CEP41: variants seen among roughly 807,000 people sequenced by gnomAD.
CEP41 encodes the protein centrosomal protein 41, also known as centrosomal protein of 41 kDa.
In CEP41, 32 loss-of-function variants were observed where a neutral mutation model predicts 44.3. The observed-to-expected ratio is 0.72, with a 90% CI of 0.54 to 0.97. The LOEUF (loss-of-function observed/expected upper bound fraction) is 0.97. Among genes scored for constraint, CEP41 ranks in the 50% least tolerant of loss-of-function variants. CEP41 has a pLI of 0.00. For synonymous variants in CEP41, 151 were observed against 168.5 expected, an observed-to-expected ratio of 0.90 and a Z score of 0.80; for missense variants, 432 against 455.2, an observed-to-expected ratio of 0.95 and a Z score of 0.46.
chr7:130,403,286 T>C (rs1400550305), intron 6 of CEP41, among the ~76,000 whole-genome samples: 3 of 152,158 alleles, frequency 2.0e-5, no homozygotes, highest in African/African-American at 7.2e-5. Flanking sequence ...TGCTATGGTA[T>C]TGAGTCTTAA....
intron 5 of CEP41, among the ~76,000 whole-genome samples, chr7:130,407,528 T>C (rs1170101173): frequency 1.3e-5 from 2 of 152,018 alleles, no homozygotes; most frequent in African/African-American, 4.8e-5. Flanking sequence ...CAATGGAATA[T>C]AATAGAAAAC....
intron 1 of CEP41, among the ~76,000 whole-genome samples, chr7:130,437,342 T>C (rs1797995673): frequency 6.8e-6 from 1 of 147,586 alleles, no homozygotes; most frequent in Non-Finnish European, 1.5e-5. Context: ...AATATAAATA[T>C]CTTTGTAAAG....
Position 130,439,171 on chromosome 7 carries a change from C to G in CEP41, c.33+1763G>C, listed in dbSNP as rs528611044. ...GGATGAAGATGTTTATGATGATACA[C>G]TGCCACTTAATGAATAGTAAATATA... On this transcript the variant is annotated intron_variant, in intron 1 of 10. Transcript: ENST00000223208. Among the ~76,000 whole-genome samples, 54 of 152,324 alleles carry G rather than the reference C, an allele frequency of 3.5e-4. 1 individual carries two copies. The highest frequency in any genetic ancestry group is 1.3e-3 in the African/African-American group (53 of 41,568).
In CEP41 at chr7:130,396,187, T is replaced by A. The variant is rs1554414441; in HGVS notation, c.*2704A>T. 3 of 453,932 alleles carry A rather than the reference T, an allele frequency of 6.6e-6. No individual in the cohort carries two copies. Among genetic ancestry groups the A allele is most frequent in the Non-Finnish European group, 1.3e-5 (3 of 226,790 alleles). 28.1% of individuals were successfully genotyped at this position (453,932 alleles called of 1,614,324 possible). A position where few individuals can be genotyped will look rare whatever the true frequency, so the allele number is the denominator to read the frequency against. ...CTTTGGCCATCACTGCTGTTCAGGG[T>A]GCTGTAGTTGTACATCGATGAAGCA... On this transcript the variant is annotated 3_prime_UTR_variant, in exon 11 of 11. Transcript: ENST00000223208.
chr7:130,420,583 C>T (rs1797475764), intron 2 of CEP41: 2 of 152,060 alleles, frequency 1.3e-5, no homozygotes, highest in African/African-American at 4.8e-5. Flanking sequence ...ACCAGCCTGA[C>T]CAACATAGTA....
At chr7:130,427,613 G>A (rs1797703431) in intron 2 of CEP41, among the ~76,000 whole-genome samples, 1 of 152,166 alleles carries the variant, frequency 6.6e-6, no homozygotes, top group African/African-American at 2.4e-5. Context: ...CCAGTTTAAA[G>A]GAATATACTT....
rs1554423542 is a variant in CEP41 at position 130,426,603 on chromosome 7, A to G, written c.97+1352T>C. 4 of 454,908 alleles carry G rather than the reference A, an allele frequency of 8.8e-6. 1 individual carries two copies. The highest frequency in any genetic ancestry group is 6.2e-5 in the South Asian group (4 of 64,200). 28.2% of individuals were successfully genotyped at this position (454,908 alleles called of 1,614,324 possible). ...AATATCTAGACTCCTCAGAAAAAAT[A>G]CAGCATTTTAAATCTAGGTGCTTAC... On this transcript the variant is annotated intron_variant, in intron 2 of 10. Coordinates refer to ENST00000223208, the MANE Select transcript of CEP41 (RefSeq NM_018718.3).
chr7:130,439,298 G>A (rs76578643), intron 1 of CEP41, among the ~76,000 whole-genome samples: 24,818 of 151,984 alleles, frequency 0.16, 2,320 homozygotes, highest in African/African-American at 0.25. Context: ...TTAATCAAGT[G>A]TTTCTGTTAT....
intron 5 of CEP41, among the ~76,000 whole-genome samples, chr7:130,407,731 AT>A (rs1289648425): frequency 1.3e-5 from 2 of 152,188 alleles, no homozygotes. Context: ...CCAATAGATT[AT>A]TACAAAATGT....
intron 1 of CEP41, among the ~76,000 whole-genome samples, chr7:130,436,155 A>AAAAAC (rs782280430): frequency 1.3e-5 from 2 of 152,220 alleles, no homozygotes; most frequent in Non-Finnish European, 2.9e-5. Flanking sequence ...CTCCGTCTCA[A>AAAAAC]AAAACAAAAC....
At chr7:130,421,747 T>G (rs1797515972) in intron 2 of CEP41, 1 of 1,205,818 alleles carries the variant, frequency 8.3e-7, no homozygotes, top group African/African-American at 1.6e-5. Context: ...GAAATTAGAT[T>G]GAATATAGAT....
At chr7:130,421,592 A>G (rs1222807271) in intron 2 of CEP41, 1 of 990,550 alleles carries the variant, frequency 1.0e-6, no homozygotes, top group Non-Finnish European at 1.2e-6. Context: ...ATATTCAGGA[A>G]AAGTAAAGCC....
At chr7:130,413,554 C>A (rs1421929071) in intron 3 of CEP41, among the ~76,000 whole-genome samples, 3 of 149,758 alleles carry the variant, frequency 2.0e-5, no homozygotes, top group African/African-American at 7.4e-5. Flanking sequence ...ACATTCCAGC[C>A]TGGGTGAGAG....
chr7:130,418,086 GTTTTCTTTTC>G (rs782260701), intron 2 of CEP41, among the ~76,000 whole-genome samples: 2 of 152,066 alleles, frequency 1.3e-5, no homozygotes, highest in Non-Finnish European at 2.9e-5. Flanking sequence ...ATCCACCATT[GTTTTCTTTTC>G]TTTTCTTTTC....
rs1402524227 is a variant in CEP41 at position 130,396,490 on chromosome 7, G to T, written c.*2401C>A. 35 of 454,404 alleles carry T rather than the reference G, an allele frequency of 7.7e-5. No individual in the cohort carries two copies. Among genetic ancestry groups the T allele is most frequent in the Non-Finnish European group, 1.4e-4 (32 of 226,804 alleles). The allele number at this position is 454,404 out of a possible 1,614,324, so 28.1% of individuals were successfully genotyped here. A position where few individuals can be genotyped will look rare whatever the true frequency, so the allele number is the denominator to read the frequency against. On this transcript the variant is annotated 3_prime_UTR_variant, in exon 11 of 11. Coordinates refer to ENST00000223208, the MANE Select transcript of CEP41 (RefSeq NM_018718.3). Reference sequence around the variant, plus strand: ...CCCAAATCATCTCGACAGAAAAGAAGAGAGAAGTTGGCAGTTTTCAGCATA... The same window carrying T: ...CCCAAATCATCTCGACAGAAAAGAATAGAGAAGTTGGCAGTTTTCAGCATA...
rs1488120241 is a variant in CEP41, at chr7:130,396,677, T to C, written c.*2214A>G. The C allele has an allele frequency of 2.2e-6, 1 of 454,460 alleles. No individual in the cohort carries two copies. The highest frequency in any genetic ancestry group is 4.4e-6 in the Non-Finnish European group (1 of 226,800). 28.2% of individuals were successfully genotyped at this position (454,460 alleles called of 1,614,324 possible). Reference sequence around the variant, plus strand: ...AATACCTCGAGCACGTAAAGAATGTTTGATATTAACACTTAACATGCAAAA... The same window carrying C: ...AATACCTCGAGCACGTAAAGAATGTCTGATATTAACACTTAACATGCAAAA... On this transcript the variant is annotated 3_prime_UTR_variant, in exon 11 of 11. Coordinates refer to ENST00000223208, the MANE Select transcript of CEP41 (RefSeq NM_018718.3).
At chr7:130,400,654 G>A in intron 9 of CEP41, 53 bp downstream of exon 9, 1 of 1,048,926 alleles carries the variant, frequency 9.5e-7, no homozygotes, top group Non-Finnish European at 1.5e-6. Context: ...ATGCAGGTGG[G>A]ACTGAAGGAT....
At chr7:130,432,206 A>C in intron 1 of CEP41, among the ~76,000 whole-genome samples, 1 of 152,190 alleles carries the variant, frequency 6.6e-6, no homozygotes, top group East Asian at 1.9e-4. Flanking sequence ...AGGCATGAAA[A>C]TCAGTTGAAA....
Position 130,394,493 on chromosome 7 carries a change from G to A in CEP41, c.*4398C>T, listed in dbSNP as rs948930004. The A allele has an allele frequency of 2.9e-5, 13 of 454,004 alleles. No homozygotes were observed. Among genetic ancestry groups the A allele is most frequent in the African/African-American group, 6.0e-5 (3 of 50,004 alleles). The allele number at this position is 454,004 out of a possible 1,614,324, so 28.1% of individuals were successfully genotyped here. ...AACCTACTCTTAAGATGGGGGTGGT[G>A]TGTGACCTTTGCGTGCTGAATTTGG... On this transcript the variant is annotated 3_prime_UTR_variant, in exon 11 of 11. Coordinates refer to ENST00000223208, the MANE Select transcript of CEP41 (RefSeq NM_018718.3).
Sources: gnomAD v4.1 joint callset for allele counts (sites outside exome capture counted in the v4.1 genomes callset) on GRCh38, gnomAD v4.1.1 for gene constraint, MANE v1.5 for transcripts, NCBI Gene and HGNC (gene_info 2026-07-23, HGNC 2026-07-21) for gene names.